The following NR6A1 variants were observed in gnomAD, a reference collection of about 807,000 sequenced individuals.
The protein encoded by NR6A1 is nuclear receptor subfamily 6 group A member 1.
A neutral mutation model predicts 59.1 loss-of-function variants in NR6A1; 7 were observed. That is an observed-to-expected ratio of 0.12 (90% CI 0.07 to 0.22). The LOEUF (loss-of-function observed/expected upper bound fraction) is 0.22. Ranked by LOEUF, NR6A1 falls within the 10% of genes least tolerant of loss-of-function variation. The probability of loss-of-function intolerance (pLI) is 1.00; values close to 1 mark genes in which losing one functional copy is unlikely to be tolerated. For synonymous variants in NR6A1, 243 were observed against 236.1 expected (o/e 1.03, Z -0.27); for missense variants, 468 against 611.6 (o/e 0.77, Z 2.48).
intron 2 of NR6A1, among the ~76,000 whole-genome samples, chr9:124,590,092 C>CAAAAAAAAAAAAAAAAAAAA (rs1327869115): frequency 4.6e-5 from 3 of 64,802 alleles, no homozygotes; most frequent in African/African-American, 1.5e-4. Flanking sequence ...AAAAAAAAAG[C>CAAAAAAAAAAAAAAAAAAAA]AAAGCTAGTC....
intron 2 of NR6A1, among the ~76,000 whole-genome samples, chr9:124,613,080 T>C (rs1261079940): frequency 6.6e-6 from 1 of 152,182 alleles, no homozygotes; most frequent in Non-Finnish European, 1.5e-5. Context: ...CTTATACCTG[T>C]AATCCCAGCC....
chr9:124,713,858 A>G (rs143050065), intron 2 of NR6A1, among the ~76,000 whole-genome samples: 67 of 152,318 alleles, frequency 4.4e-4, no homozygotes, highest in African/African-American at 1.6e-3. Flanking sequence ...AAACAGAATT[A>G]CCATAGGGTC....
intron 2 of NR6A1, among the ~76,000 whole-genome samples, chr9:124,596,936 G>A (rs1453675961): frequency 1.3e-5 from 2 of 152,170 alleles, no homozygotes; most frequent in African/African-American, 4.8e-5. Flanking sequence ...TGTGTAAAAT[G>A]TTTCATTCTA....
Position 124,522,628 on chromosome 9 carries a change from C to T in NR6A1, c.*77G>A. ...TGCTCCACAGCCTCCATCTTGGTCTCTCTGGCTTTTCCCTCCAGAGCCTGT... is the reference window on the plus strand; with the variant it reads ...TGCTCCACAGCCTCCATCTTGGTCTTTCTGGCTTTTCCCTCCAGAGCCTGT... On this transcript the variant is annotated 3_prime_UTR_variant, in exon 10 of 10. Transcript: ENST00000487099. 8.4e-7 allele frequency: 1 copy of T among 1,194,874 alleles called. No individual in the cohort carries two copies. Among genetic ancestry groups the T allele is most frequent in the African/African-American group, 1.5e-5 (1 of 66,178 alleles). The allele number at this position is 1,194,874 out of a possible 1,614,324, so 74.0% of individuals were successfully genotyped here. A position where few individuals can be genotyped will look rare whatever the true frequency, so the allele number is the denominator to read the frequency against.
At chr9:124,626,791 G>A (rs868026813) in intron 2 of NR6A1, among the ~76,000 whole-genome samples, 23 of 152,118 alleles carry the variant, frequency 1.5e-4, no homozygotes, top group African/African-American at 2.6e-4. Context: ...AAAATTAGCC[G>A]GGCGTAGGGG....
At chr9:124,758,935 T>C (rs1311391024) in intron 1 of NR6A1, among the ~76,000 whole-genome samples, 1 of 152,212 alleles carries the variant, frequency 6.6e-6, no homozygotes, top group Admixed American at 6.5e-5. Context: ...TCAGGGATTA[T>C]CTAATTTAGC....
intron 2 of NR6A1, among the ~76,000 whole-genome samples, chr9:124,574,051 G>A (rs527312387): frequency 5.9e-5 from 9 of 152,116 alleles, no homozygotes; most frequent in Admixed American, 1.3e-4. Context: ...TGGAATATTT[G>A]TACTGACACT....
chr9:124,637,677 G>C (rs1836649724), intron 2 of NR6A1, among the ~76,000 whole-genome samples: 1 of 152,094 alleles, frequency 6.6e-6, no homozygotes, highest in Non-Finnish European at 1.5e-5. Flanking sequence ...GATCACTTGA[G>C]TCCAGGAGTT....
intron 2 of NR6A1, among the ~76,000 whole-genome samples, chr9:124,591,223 C>T (rs1246759226): frequency 6.6e-6 from 1 of 152,214 alleles, no homozygotes; most frequent in African/African-American, 2.4e-5. Context: ...AAATTTGCTC[C>T]TCTTTGAAAC....
chr9:124,560,437 A>T (rs1417395118), intron 2 of NR6A1, among the ~76,000 whole-genome samples: 1 of 152,182 alleles, frequency 6.6e-6, no homozygotes, highest in African/African-American at 2.4e-5. Flanking sequence ...TCGGCGTTAC[A>T]TTATTTTCAT....
At chr9:124,698,282 AAAAAAAG>A (rs1368644364) in intron 2 of NR6A1, 2 of 152,342 alleles carry the variant, frequency 1.3e-5, no homozygotes, top group South Asian at 2.1e-4. Context: ...CATGTATTAA[AAAAAAAG>A]AAAAAGGAAA....
At chr9:124,723,670 C>T (rs1260643846) in intron 2 of NR6A1, among the ~76,000 whole-genome samples, 1 of 152,172 alleles carries the variant, frequency 6.6e-6, no homozygotes, top group Non-Finnish European at 1.5e-5. Flanking sequence ...TACTACATAG[C>T]CTAGAACAGT....
chr9:124,625,596 C>A (rs1012775024), intron 2 of NR6A1, among the ~76,000 whole-genome samples: 6 of 152,036 alleles, frequency 3.9e-5, no homozygotes, highest in Non-Finnish European at 7.4e-5. Context: ...GTTTTCTGTT[C>A]TTCATTAATT....
rs770200343 is a variant in NR6A1, at chr9:124,536,068, T to G, written c.889A>C (p.Arg297=). The change falls in exon 7 of 10, where the codon AGG becomes CGG. Residue 297 remains arginine (R), a synonymous_variant. Coordinates refer to ENST00000487099, the MANE Select transcript of NR6A1 (RefSeq NM_033334.4). ...LCRLADELLF[R]QIAWIKKLPF... ...AGTTTCTTGATCCAGGCAATCTGCC[T>G]AAAGAGCAGCTCGTCGGCCAGGCGG... is the stretch of plus-strand genomic sequence containing the variant. 7 of 1,614,166 alleles carry G rather than the reference T, an allele frequency of 4.3e-6. No homozygotes were observed. Among genetic ancestry groups the G allele is most frequent in the Non-Finnish European group, 5.9e-6 (7 of 1,180,022 alleles).
intron 2 of NR6A1, among the ~76,000 whole-genome samples, chr9:124,683,468 C>T (rs1366047914): frequency 6.6e-6 from 1 of 152,130 alleles, no homozygotes; most frequent in African/African-American, 2.4e-5. Context: ...TTTTTCATTC[C>T]TGCTCTCACT....
chr9:124,690,827 T>C (rs1458028687), intron 2 of NR6A1, among the ~76,000 whole-genome samples: 1 of 152,094 alleles, frequency 6.6e-6, no homozygotes, highest in Non-Finnish European at 1.5e-5. Context: ...TGATAAAAAC[T>C]AAAGAACTTA....
intron 2 of NR6A1, among the ~76,000 whole-genome samples, chr9:124,593,899 G>A (rs555389461): frequency 1.3e-5 from 2 of 151,936 alleles, no homozygotes; most frequent in South Asian, 2.1e-4. Flanking sequence ...TAAGAAATAA[G>A]ACTTCCTGCC....
intron 1 of NR6A1, among the ~76,000 whole-genome samples, chr9:124,738,021 T>C (rs1356726530): frequency 6.6e-6 from 1 of 151,950 alleles, no homozygotes; most frequent in Non-Finnish European, 1.5e-5. Context: ...TTTGGGAGAC[T>C]GAGGTGGGCA....
intron 1 of NR6A1, among the ~76,000 whole-genome samples, chr9:124,742,540 G>T (rs971482024): frequency 6.7e-6 from 1 of 149,896 alleles, no homozygotes; most frequent in Non-Finnish European, 1.5e-5. Flanking sequence ...AGCCTGGGCA[G>T]GAAGAGCGAA....
Sources: allele counts gnomAD v4.1 joint callset (sites outside exome capture counted in the v4.1 genomes callset), GRCh38; gene constraint gnomAD v4.1.1; transcripts MANE v1.5; gene names NCBI Gene and HGNC (gene_info 2026-07-23, HGNC 2026-07-21).